PDE6A: variants seen among roughly 807,000 people sequenced by gnomAD.
The protein encoded by PDE6A is phosphodiesterase 6A.
Under a neutral mutation model 106.3 loss-of-function variants are expected in PDE6A, and 84 were observed. The observed-to-expected ratio is 0.79, with a 90% CI of 0.66 to 0.95. PDE6A has a LOEUF of 0.95. Among genes scored for constraint, PDE6A ranks in the 40% least tolerant of loss-of-function variants. PDE6A has a pLI of 0.00. For missense variants in PDE6A, 1,052 were observed against 1,084.9 expected (o/e 0.97, Z 0.43); for synonymous variants, 394 against 386.6 (o/e 1.02, Z -0.23).
intron 13 of PDE6A, among the ~76,000 whole-genome samples, chr5:149,892,907 G>C (rs912533120): frequency 6.6e-6 from 1 of 152,134 alleles, no homozygotes; most frequent in Admixed American, 6.5e-5. Flanking sequence ...GGATTGCCTT[G>C]GTCAAAGGTA....
intron 19 of PDE6A, 162 bp from the exon 20 acceptor site, chr5:149,866,415 C>T (rs532736417): frequency 1.7e-6 from 1 of 601,248 alleles, no homozygotes; most frequent in South Asian, 1.9e-5. Context: ...TAAAGAACAC[C>T]ATGAGGGTGT....
Position 149,863,071 on chromosome 5 carries a change from G to T in PDE6A, c.2506+48C>A. On this transcript the variant is annotated intron_variant, in intron 21 of 21. Transcript: ENST00000255266. This position sits in a 1 kb window ranked among gnomAD's most constrained non-coding sequence, Gnocchi z 4.7. ...CTGAGGCAGGACGCAGACACTGAGTGCTCAGGGAGTGGGGTGGTGGGAGTC... is the reference window on the plus strand; with the variant it reads ...CTGAGGCAGGACGCAGACACTGAGTTCTCAGGGAGTGGGGTGGTGGGAGTC... The T allele has an allele frequency of 6.2e-7, 1 of 1,610,426 alleles. No homozygotes were observed. The highest frequency in any genetic ancestry group is 1.7e-4 in the Middle Eastern group (1 of 6,056).
chr5:149,942,755 T>C (rs776000155), intron 1 of PDE6A, among the ~76,000 whole-genome samples: 1 of 151,960 alleles, frequency 6.6e-6, no homozygotes, highest in African/African-American at 2.4e-5. Flanking sequence ...CAAAGGTCTC[T>C]GTGTCATAAG....
chr5:149,937,476 C>T (rs995411477), intron 1 of PDE6A, among the ~76,000 whole-genome samples: 12 of 152,182 alleles, frequency 7.9e-5, no homozygotes, highest in African/African-American at 2.7e-4. Context: ...CTCCTGAGCT[C>T]AAGCCATCCT....
intron 13 of PDE6A, among the ~76,000 whole-genome samples, chr5:149,892,794 T>C (rs1419889781): frequency 7.2e-5 from 11 of 152,156 alleles, no homozygotes; most frequent in African/African-American, 2.7e-4. Context: ...ATAAAATTTA[T>C]AGATAGAGAT....
intron 20 of PDE6A, among the ~76,000 whole-genome samples, chr5:149,865,945 A>G (rs1760315457): frequency 6.6e-6 from 1 of 152,154 alleles, no homozygotes; most frequent in Non-Finnish European, 1.5e-5. Context: ...TTTGCCCCAC[A>G]ATTATGTATT....
At chr5:149,936,854 C>T (rs1754200932) in intron 1 of PDE6A, among the ~76,000 whole-genome samples, 1 of 152,088 alleles carries the variant, frequency 6.6e-6, no homozygotes, top group African/African-American at 2.4e-5. Context: ...TAGGGAAAGA[C>T]CAAAGTGATT....
chr5:149,918,926 C>A (rs1753629415), intron 5 of PDE6A, among the ~76,000 whole-genome samples: 1 of 152,092 alleles, frequency 6.6e-6, no homozygotes, highest in Admixed American at 6.5e-5. Flanking sequence ...CCTGGCACAA[C>A]AAACTTTCTT....
intron 5 of PDE6A, among the ~76,000 whole-genome samples, chr5:149,919,906 C>T (rs1318943773): frequency 1.3e-5 from 2 of 152,128 alleles, no homozygotes; most frequent in Non-Finnish European, 2.9e-5. Flanking sequence ...ATGTAGCTGA[C>T]ACTGTGAGGC....
At chr5:149,866,496 A>G (rs1760335998) in intron 19 of PDE6A, 2 of 483,144 alleles carry the variant, frequency 4.1e-6, no homozygotes, top group South Asian at 2.2e-5. Context: ...AATAAATGGC[A>G]TACCAGAAAA....
At chr5:149,920,549 C>T (rs944492389) in intron 5 of PDE6A, among the ~76,000 whole-genome samples, 3 of 152,142 alleles carry the variant, frequency 2.0e-5, no homozygotes, top group Non-Finnish European at 4.4e-5. Context: ...CATTGCACTC[C>T]AGCCTGGGTG....
chr5:149,883,616 G>T, intron 16 of PDE6A, 80 bp from the exon 17 acceptor site: 4 of 939,364 alleles, frequency 4.3e-6, no homozygotes, highest in Non-Finnish European at 5.1e-6. Context: ...GGCTGATTCA[G>T]ATGGAGCCTT....
intron 17 of PDE6A, among the ~76,000 whole-genome samples, chr5:149,882,180 C>G (rs1055447156): frequency 6.6e-6 from 1 of 152,058 alleles, no homozygotes; most frequent in African/African-American, 2.4e-5. Context: ...GATTGCACTG[C>G]TCCCAGAATC....
At position 149,867,710 on chromosome 5, in the gene PDE6A, C is replaced by T. The variant is rs569179072; in HGVS notation, c.2274+15G>A. 2.5e-6 allele frequency: 4 copies of T among 1,612,024 alleles called. No individual in the cohort carries two copies. The highest frequency in any genetic ancestry group is 3.4e-6 in the Non-Finnish European group (4 of 1,178,296). Reference sequence around the variant, plus strand: ...CACACACCTAACATCAGGCTGACATCCCCTGTCTACTCACAATGGGATTCT... The same window carrying T: ...CACACACCTAACATCAGGCTGACATTCCCTGTCTACTCACAATGGGATTCT... On this transcript the variant is annotated intron_variant, in intron 19 of 21. Transcript: ENST00000255266.
In PDE6A at chr5:149,886,273, G is replaced by A. The variant is rs1391711247; in HGVS notation, c.1830C>T (p.Tyr610=). Residue 610 remains tyrosine, a synonymous_variant, in exon 14 of 22, where the codon TAC becomes TAT. Transcript: ENST00000255266. ...DIDHRGTNNL[Y]QMKSQNPLAK... Reference sequence around the variant, plus strand: ...GAGGGAGGCTGACTCACTTCATCTGGTAGAGGTTATTGGTGCCTCTGTGGT... The same window carrying A: ...GAGGGAGGCTGACTCACTTCATCTGATAGAGGTTATTGGTGCCTCTGTGGT... The A allele has an allele frequency of 1.2e-6, 2 of 1,610,680 alleles. No homozygotes were observed. The highest frequency in any genetic ancestry group is 3.3e-5 in the Admixed American group (2 of 60,016).
chr5:149,896,380 C>T lies in PDE6A; in HGVS notation c.1596G>A (p.Val532=), dbSNP rs779707554. Residue 532 remains valine (V), a synonymous_variant, in exon 12 of 22, where the codon GTG becomes GTA. Transcript: ENST00000255266. ...CCTCTTGTGGAATGTGAAATTTATCCACCACTTTGAGCTCATAATACATCT... is the reference window on the plus strand; with the variant it reads ...CCTCTTGTGGAATGTGAAATTTATCTACCACTTTGAGCTCATAATACATCT... ...GIQMYYELKV[V]DKFHIPQEAL... The T allele has an allele frequency of 6.2e-7, 1 of 1,613,916 alleles. No homozygotes were observed. The highest frequency in any genetic ancestry group is 1.1e-5 in the South Asian group (1 of 91,056).
Position 149,916,412 on chromosome 5 carries a change from C to T in PDE6A, c.934-1405G>A, listed in dbSNP as rs111453474. On this transcript the variant is annotated intron_variant, in intron 5 of 21. Coordinates refer to ENST00000255266, the MANE Select transcript of PDE6A (RefSeq NM_000440.3). Reference sequence around the variant, plus strand: ...AACCAGCCATCCTCCCTGCAGGGTGCATCTCTATGTCATGGCCCCATTTCT... The same window carrying T: ...AACCAGCCATCCTCCCTGCAGGGTGTATCTCTATGTCATGGCCCCATTTCT... 3.4e-3 allele frequency among the ~76,000 whole-genome samples: 517 copies of T among 152,252 alleles called. 4 individuals are homozygous for T. Among genetic ancestry groups the T allele is most frequent in the African/African-American group, 0.012 (494 of 41,542 alleles).
chr5:149,905,581 C>T lies in PDE6A; in HGVS notation c.1065+1731G>A, dbSNP rs78823493. ...TCTGCCTACAACCAATCACAAAGCC[C>T]TGCCAGCTTCACCCTCTCAATATTG... On this transcript the variant is annotated intron_variant, in intron 7 of 21. Transcript: ENST00000255266. Among the ~76,000 whole-genome samples the T allele has an allele frequency of 2.4e-3, 362 of 152,330 alleles. 3 individuals carry two copies. The highest frequency in any genetic ancestry group is 8.2e-3 in the African/African-American group (342 of 41,576).
At chr5:149,888,679 T>G (rs1554087693) in intron 13 of PDE6A, among the ~76,000 whole-genome samples, 1 of 140,142 alleles carries the variant, frequency 7.1e-6, no homozygotes, top group Non-Finnish European at 1.5e-5. Context: ...TACTCCAAAA[T>G]GAGAAGAGGA....
Sources: allele counts gnomAD v4.1 joint callset (sites outside exome capture counted in the v4.1 genomes callset), GRCh38; gene constraint gnomAD v4.1.1; non-coding constraint Gnocchi (gnomAD v3.1); transcripts MANE v1.5; gene names NCBI Gene and HGNC (gene_info 2026-07-23, HGNC 2026-07-21).